The following TIAM1 variants were observed in gnomAD, a reference collection of about 807,000 sequenced individuals.
The protein encoded by TIAM1 is rho guanine nucleotide exchange factor TIAM1.
In TIAM1, 65 loss-of-function variants were observed where a neutral mutation model predicts 163.5. That is an observed-to-expected ratio of 0.40 (90% CI 0.33 to 0.49). The LOEUF is 0.49. Among genes scored for constraint, TIAM1 ranks in the 20% least tolerant of loss-of-function variants. The pLI is 0.77. For synonymous variants in TIAM1, 833 were observed against 810.1 expected (o/e 1.03, Z -0.48); for missense variants, 1,789 against 2,044.7 (o/e 0.87, Z 2.41).
At chr21:31,256,923 A>G (rs1185557879) in intron 4 of TIAM1, among the ~76,000 whole-genome samples, 3 of 152,130 alleles carry the variant, frequency 2.0e-5, no homozygotes, top group Non-Finnish European at 4.4e-5. Flanking sequence ...CCCTACTTAC[A>G]TCTTGGCCCA....
chr21:31,436,444 T>A (rs1205573467), intron 2 of TIAM1, among the ~76,000 whole-genome samples: 1 of 151,994 alleles, frequency 6.6e-6, no homozygotes, highest in African/African-American at 2.4e-5. Context: ...CTGGCCAATA[T>A]GGTGAAACCC....
Position 31,344,204 on chromosome 21 carries a change from G to C in TIAM1, c.-435C>G, listed in dbSNP as rs1386849515. 1 of 152,300 alleles carries C rather than the reference G, an allele frequency of 6.6e-6. No homozygotes were observed. Among genetic ancestry groups the C allele is most frequent in the East Asian group, 1.9e-4 (1 of 5,198 alleles). The allele number at this position is 152,300 out of a possible 1,614,324, so 9.4% of individuals were successfully genotyped here. A position where few individuals can be genotyped will look rare whatever the true frequency, so the allele number is the denominator to read the frequency against. On this transcript the variant is annotated 5_prime_UTR_variant, in exon 1 of 28. Coordinates refer to ENST00000541036, the MANE Select transcript of TIAM1 (RefSeq NM_001353694.2). ...CACATGTCCCAAACTTCCAGTAACAGAAATGAGGAAGCAGCAGCCTTCCCC... is the reference window on the plus strand; with the variant it reads ...CACATGTCCCAAACTTCCAGTAACACAAATGAGGAAGCAGCAGCCTTCCCC...
chr21:31,382,824 T>C (rs1270582029), intron 2 of TIAM1, among the ~76,000 whole-genome samples: 1 of 152,242 alleles, frequency 6.6e-6, no homozygotes, highest in Non-Finnish European at 1.5e-5. Flanking sequence ...GTGTCATTAT[T>C]GGTTCAAGAA....
intron 12 of TIAM1, among the ~76,000 whole-genome samples, chr21:31,198,827 T>G (rs2250858): frequency 0.17 from 26,513 of 152,186 alleles, 3,381 homozygotes; most frequent in East Asian, 0.4. Context: ...TTTGCTGGTC[T>G]CAGACAACAA....
intron 6 of TIAM1, among the ~76,000 whole-genome samples, chr21:31,242,097 T>C (rs2071212223): frequency 6.6e-6 from 1 of 152,202 alleles, no homozygotes; most frequent in Non-Finnish European, 1.5e-5. Context: ...TTGAGTGTAC[T>C]AGACAAAGAT....
At chr21:31,446,581 T>G (rs1316444016) in intron 2 of TIAM1, among the ~76,000 whole-genome samples, 3 of 151,992 alleles carry the variant, frequency 2.0e-5, no homozygotes, top group African/African-American at 7.3e-5. Context: ...TGATGAAGTA[T>G]GAATATGAAA....
chr21:31,295,469 C>CAAAAAAAA (rs1215751004), intron 2 of TIAM1, among the ~76,000 whole-genome samples: 5 of 65,946 alleles, frequency 7.6e-5, no homozygotes, highest in South Asian at 6.8e-4. Context: ...GACTCCATCA[C>CAAAAAAAA]AAAAAAAAAA....
intron 1 of TIAM1, among the ~76,000 whole-genome samples, chr21:31,554,857 A>G (rs991640597): frequency 6.6e-6 from 1 of 152,172 alleles, no homozygotes; most frequent in Non-Finnish European, 1.5e-5. Flanking sequence ...TTCTAGAAGA[A>G]TCTCACACAC....
Position 31,196,810 on chromosome 21 carries a change from T to G in TIAM1, c.2494-1505A>C, listed in dbSNP as rs146241328. Among the ~76,000 whole-genome samples, 1,284 of 152,318 alleles carry G rather than the reference T, an allele frequency of 8.4e-3. 8 individuals are homozygous for G. The highest frequency in any genetic ancestry group is 0.013 in the Non-Finnish European group (861 of 68,032). ...GTGCACTGTATGTTCATTGCAGCAC[T>G]ATTCACAATAGCAAAGATGTGGAAT... On this transcript the variant is annotated intron_variant, in intron 12 of 27. Coordinates refer to ENST00000541036, the MANE Select transcript of TIAM1 (RefSeq NM_001353694.2).
rs151074261 is a variant in TIAM1 at position 31,452,604 on chromosome 21, T to C, written c.-369+11379A>G. 4.1e-3 allele frequency: 2,313 copies of C among 558,020 alleles called. 10 individuals are homozygous for C. Among genetic ancestry groups the C allele is most frequent in the Non-Finnish European group, 6.1e-3 (1,825 of 300,690 alleles). The allele number at this position is 558,020 out of a possible 1,614,324, so 34.6% of individuals were successfully genotyped here. A position where few individuals can be genotyped will look rare whatever the true frequency, so the allele number is the denominator to read the frequency against. On this transcript the variant is annotated intron_variant, in intron 2 of 28. Coordinates refer to the TIAM1 transcript ENST00000286827. ...CTGGAATCGATATAGCACTAAGTTA[T>C]GTGCACCAAATTATAAAAGACTTAT... is the stretch of plus-strand genomic sequence containing the variant.
chr21:31,472,116 C>T (rs775803759), intron 1 of TIAM1, among the ~76,000 whole-genome samples: 3 of 152,050 alleles, frequency 2.0e-5, no homozygotes, highest in Non-Finnish European at 2.9e-5. Flanking sequence ...ACTGGACGGC[C>T]GTGTGCAAGT....
chr21:31,437,705 C>T (rs1255444710), intron 2 of TIAM1, among the ~76,000 whole-genome samples: 1 of 151,970 alleles, frequency 6.6e-6, no homozygotes, highest in East Asian at 1.9e-4. Flanking sequence ...AAGTGTATAG[C>T]ACCTCCACCC....
chr21:31,278,628 T>C (rs2073409212), intron 2 of TIAM1, among the ~76,000 whole-genome samples: 1 of 152,194 alleles, frequency 6.6e-6, no homozygotes, highest in Non-Finnish European at 1.5e-5. Context: ...AATATATACG[T>C]CTATCCAGAA....
chr21:31,217,771 G>C, intron 8 of TIAM1, 72 bp from the exon 9 acceptor site: 1 of 1,547,750 alleles, frequency 6.5e-7, no homozygotes, highest in Non-Finnish European at 8.7e-7. Context: ...TGAGGTCCCC[G>C]TAAGTCCCAC....
chr21:31,141,399 A>G lies in TIAM1; in HGVS notation c.3581T>C (p.Leu1194Pro). 6.2e-7 allele frequency: 1 copy of G among 1,614,228 alleles called. No homozygotes were observed. Among genetic ancestry groups the G allele is most frequent in the South Asian group, 1.1e-5 (1 of 91,080 alleles). ...SYLIKPIQRI[L>P]KYPLLLRELF... ...CTCCCTGAGCAGAAGTGGGTACTTG[A>G]GGATCCTCTGGATGGGCTTGATGAG... Residue 1194 changes from leucine to proline, a missense_variant, in exon 21 of 28, where the codon CTC becomes CCC. Coordinates refer to ENST00000541036, the MANE Select transcript of TIAM1 (RefSeq NM_001353694.2). This position sits in a 1 kb window ranked among gnomAD's most constrained non-coding sequence, Gnocchi z 4.7.
chr21:31,124,181 G>A (rs1167128507), intron 27 of TIAM1: 4 of 218,906 alleles, frequency 1.8e-5, no homozygotes, highest in East Asian at 1.1e-4. Flanking sequence ...GCAAAGCAGC[G>A]ACTCTCATTC....
intron 14 of TIAM1, among the ~76,000 whole-genome samples, chr21:31,185,220 C>T (rs1047056832): frequency 4.6e-5 from 7 of 151,888 alleles, no homozygotes; most frequent in Non-Finnish European, 7.4e-5. Flanking sequence ...TCCAGCCCTA[C>T]CTACCTGTCC....
intron 1 of TIAM1, among the ~76,000 whole-genome samples, chr21:31,488,450 G>A (rs1305847937): frequency 1.3e-5 from 2 of 152,176 alleles, no homozygotes; most frequent in African/African-American, 4.8e-5. Flanking sequence ...AAAGGAAGAG[G>A]AGGAAGGGGA....
intron 2 of TIAM1, among the ~76,000 whole-genome samples, chr21:31,338,892 A>T (rs557521233): frequency 6.6e-6 from 1 of 152,308 alleles, no homozygotes; most frequent in East Asian, 1.9e-4. Flanking sequence ...CAGCACGTTG[A>T]TACCAAGTTT....
Sources: allele counts gnomAD v4.1 joint callset (sites outside exome capture counted in the v4.1 genomes callset), GRCh38; gene constraint gnomAD v4.1.1; non-coding constraint Gnocchi (gnomAD v3.1); transcripts MANE v1.5; gene names NCBI Gene and HGNC (gene_info 2026-07-23, HGNC 2026-07-21).